Variants in RAD21L1 observed in about 807,000 individuals in gnomAD.
RAD21L1 encodes the protein double-strand-break repair protein rad21-like protein 1.
A neutral mutation model predicts 69.0 loss-of-function variants in RAD21L1; 47 were observed. That is an observed-to-expected ratio of 0.68 (90% CI 0.54 to 0.87). The LOEUF is 0.87. RAD21L1 is among the 40% of genes least tolerant of loss of function. The pLI, the probability that RAD21L1 is intolerant of heterozygous loss-of-function variation, is 0.00. For missense variants in RAD21L1, 583 were observed against 647.6 expected, an observed-to-expected ratio of 0.90 and a Z score of 1.08; for synonymous variants, 177 against 205.8, an observed-to-expected ratio of 0.86 and a Z score of 1.20.
At chr20:1,235,344 C>T (rs575962117) in intron 5 of RAD21L1, among the ~76,000 whole-genome samples, 37 of 152,296 alleles carry the variant, frequency 2.4e-4, no homozygotes, top group African/African-American at 6.3e-4. Flanking sequence ...GCTTCCGTAA[C>T]TCTTGCCATA....
intron 4 of RAD21L1, 68 bp from the exon 5 acceptor site, chr20:1,234,017 C>A: frequency 1.4e-6 from 1 of 720,882 alleles, no homozygotes; most frequent in Non-Finnish European, 2.3e-6. Context: ...TTCACTATAT[C>A]AATGATATTT....
intron 5 of RAD21L1, 57 bp downstream of exon 5, chr20:1,234,248 T>C (rs1047440548): frequency 1.2e-6 from 1 of 807,102 alleles, no homozygotes; most frequent in Non-Finnish European, 2.1e-6. Context: ...TTTGTATTTG[T>C]GTATTGAAAT....
chr20:1,238,029 T>G lies in RAD21L1; in HGVS notation c.476-15T>G. The G allele has an allele frequency of 7.3e-7, 1 of 1,372,666 alleles. No individual in the cohort carries two copies. Among genetic ancestry groups the G allele is most frequent in the East Asian group, 2.5e-5 (1 of 39,720 alleles). 85.0% of individuals were successfully genotyped at this position (1,372,666 alleles called of 1,614,324 possible). ...TGTTTCTATGAATTAGTATTAATGATATATATTTATTTAGGGGAGGAATCT... is the reference window on the plus strand; with the variant it reads ...TGTTTCTATGAATTAGTATTAATGAGATATATTTATTTAGGGGAGGAATCT... On this transcript the variant is annotated splice_polypyrimidine_tract_variant and intron_variant, in intron 5 of 13. Transcript: ENST00000683101.
intron 13 of RAD21L1, among the ~76,000 whole-genome samples, chr20:1,249,848 A>AT (rs1199676031): frequency 1.3e-5 from 2 of 151,422 alleles, no homozygotes; most frequent in African/African-American, 2.4e-5. Flanking sequence ...TCATTACCTC[A>AT]TTTTTTTTCT....
At chr20:1,237,946 T>C in intron 5 of RAD21L1, 98 bp from the exon 6 acceptor site, 1 of 579,608 alleles carries the variant, frequency 1.7e-6, no homozygotes, top group East Asian at 2.9e-5. Context: ...AAATGAGGTG[T>C]TGGATGACAA....
At chr20:1,253,220 T>A (rs2087870213) in intron 13 of RAD21L1, among the ~76,000 whole-genome samples, 2 of 152,236 alleles carry the variant, frequency 1.3e-5, no homozygotes, top group South Asian at 4.1e-4. Flanking sequence ...GTATGTGGTA[T>A]TTCTAAATAA....
At chr20:1,251,487 G>T (rs2087832212) in intron 13 of RAD21L1, among the ~76,000 whole-genome samples, 1 of 149,376 alleles carries the variant, frequency 6.7e-6, no homozygotes. Context: ...CCTTATTATT[G>T]TTATTTTTTA....
rs944651984 is a variant in RAD21L1 at position 1,244,150 on chromosome 20, A to C, written c.1288A>C (p.Asn430His). The C allele has an allele frequency of 5.2e-6, 8 of 1,544,274 alleles. No homozygotes were observed. The African/African-American group carries it at 1.1e-4, about 21-fold the overall frequency. Residue 430 changes from asparagine (N) to histidine (H), a missense_variant, in exon 11 of 14, where the codon AAT becomes CAT. By Grantham distance (68) the Asn-to-His change is moderately conservative (BLOSUM62 1). Coordinates refer to ENST00000683101, the MANE Select transcript of RAD21L1 (RefSeq NM_001384355.1). ...TCAGCATAGCTCTCATGAGGATACCAATAAAAATATTAACTCTGAGGTAAG... is the reference window on the plus strand; with the variant it reads ...TCAGCATAGCTCTCATGAGGATACCCATAAAAATATTAACTCTGAGGTAAG... Reference protein sequence around the residue: ...GSQHSSHEDTNKNINSEDIVE... With the variant: ...GSQHSSHEDTHKNINSEDIVE...
intron 13 of RAD21L1, among the ~76,000 whole-genome samples, chr20:1,252,410 T>C (rs993689063): frequency 6.6e-6 from 1 of 152,144 alleles, no homozygotes; most frequent in African/African-American, 2.4e-5. Context: ...AGAATAGTCA[T>C]CTTTTCCAGA....
chr20:1,252,303 T>C (rs1328869989), intron 13 of RAD21L1, among the ~76,000 whole-genome samples: 1 of 152,144 alleles, frequency 6.6e-6, no homozygotes, highest in Non-Finnish European at 1.5e-5. Context: ...TACGCATGAG[T>C]AGGGGTTGTA....
chr20:1,240,574 G>T (rs1440302817), intron 8 of RAD21L1, 140 bp downstream of exon 8: 2 of 1,322,156 alleles, frequency 1.5e-6, no homozygotes, highest in Non-Finnish European at 1.9e-6. Flanking sequence ...AGGAGAAGAC[G>T]GTGAAGAAAA....
intron 12 of RAD21L1, among the ~76,000 whole-genome samples, chr20:1,248,045 C>CAAAAAAAAAAAAAAAAAAAA (rs71327497): frequency 1.4e-5 from 1 of 71,928 alleles, no homozygotes; most frequent in Non-Finnish European, 2.5e-5. Context: ...CCTTAAATAC[C>CAAAAAAAAAAAAAAAAAAAA]AAAAAAAAAA....
chr20:1,246,205 T>C lies in RAD21L1; in HGVS notation c.1309-8T>C, dbSNP rs749964326. 1.3e-6 allele frequency: 2 copies of C among 1,509,620 alleles called. No individual in the cohort carries two copies. Among genetic ancestry groups the C allele is most frequent in the South Asian group, 2.6e-5 (2 of 77,698 alleles). 93.5% of individuals were successfully genotyped at this position (1,509,620 alleles called of 1,614,324 possible). The stretch of plus-strand genomic sequence containing the variant: ...ATTTACCTAACTTTCCCTAATTTGC[T>C]TCAGCAGGATATTGTTGAAATGGTG... On this transcript the variant is annotated splice_polypyrimidine_tract_variant and splice_region_variant and intron_variant, in intron 11 of 13. Coordinates refer to ENST00000683101, the MANE Select transcript of RAD21L1 (RefSeq NM_001384355.1). The surrounding 1 kb of genome is among the most constrained non-coding windows in gnomAD (Gnocchi z 4.6).
chr20:1,244,263 G>T, intron 11 of RAD21L1, 93 bp downstream of exon 11: 1 of 863,582 alleles, frequency 1.2e-6, no homozygotes. Flanking sequence ...TTACATTTGT[G>T]TAGTTCATAT....
At chr20:1,230,712 A>T in intron 3 of RAD21L1, 1 of 537,466 alleles carries the variant, frequency 1.9e-6, no homozygotes, top group Non-Finnish European at 2.4e-6. Context: ...GGATTGACAG[A>T]TTTTTTTTAA....
At chr20:1,228,852 C>T (rs2087323436) in intron 2 of RAD21L1, among the ~76,000 whole-genome samples, 1 of 152,130 alleles carries the variant, frequency 6.6e-6, no homozygotes, top group Admixed American at 6.5e-5. Flanking sequence ...ATTCATATTC[C>T]TTTCTTATTC....
chr20:1,245,092 A>G (rs1170537172), intron 11 of RAD21L1, among the ~76,000 whole-genome samples: 1 of 152,188 alleles, frequency 6.6e-6, no homozygotes, highest in Non-Finnish European at 1.5e-5. Flanking sequence ...AACTGCAGTT[A>G]TCACAGATAT....
At chr20:1,240,738 G>C (rs1278557267) in intron 8 of RAD21L1, among the ~76,000 whole-genome samples, 1 of 152,114 alleles carries the variant, frequency 6.6e-6, no homozygotes, top group Non-Finnish European at 1.5e-5. Context: ...TGCTGCCATG[G>C]CAACACCGGG....
chr20:1,238,024 A>T lies in RAD21L1; in HGVS notation c.476-20A>T. The T allele has an allele frequency of 7.5e-7, 1 of 1,337,794 alleles. No homozygotes were observed. The highest frequency in any genetic ancestry group is 1.0e-6 in the Non-Finnish European group (1 of 973,464). 82.9% of individuals were successfully genotyped at this position (1,337,794 alleles called of 1,614,324 possible). A position where few individuals can be genotyped will look rare whatever the true frequency, so the allele number is the denominator to read the frequency against. Reference sequence around the variant, plus strand: ...TTCTGTGTTTCTATGAATTAGTATTAATGATATATATTTATTTAGGGGAGG... The same window carrying T: ...TTCTGTGTTTCTATGAATTAGTATTTATGATATATATTTATTTAGGGGAGG... On this transcript the variant is annotated intron_variant, in intron 5 of 13. Coordinates refer to ENST00000683101, the MANE Select transcript of RAD21L1 (RefSeq NM_001384355.1).
Sources: allele counts gnomAD v4.1 joint callset (sites outside exome capture counted in the v4.1 genomes callset), GRCh38; gene constraint gnomAD v4.1.1; non-coding constraint Gnocchi (gnomAD v3.1); transcripts MANE v1.5; gene names NCBI Gene and HGNC (gene_info 2026-07-23, HGNC 2026-07-21).